Variants in LRFN5 observed in about 807,000 individuals in gnomAD.
LRFN5 encodes the protein leucine rich repeat and fibronectin type III domain containing 5, also known as leucine-rich repeat and fibronectin type-III domain-containing protein 5.
LRFN5 carries 24 observed loss-of-function variants against 45.6 expected under a neutral mutation model. The ratio of observed to expected loss-of-function variants is 0.53; its 90% CI spans 0.38 to 0.74. LRFN5 has a LOEUF of 0.74. Ranked by LOEUF, LRFN5 falls within the 30% of genes least tolerant of loss-of-function variation. The pLI, the probability that LRFN5 is intolerant of heterozygous loss-of-function variation, is 0.00. For synonymous variants in LRFN5, 340 were observed against 313.8 expected (o/e 1.08, Z -0.88); for missense variants, 776 against 861.5 (o/e 0.90, Z 1.24).
At chr14:41,619,769 T>C (rs190910632) in intron 1 of LRFN5, among the ~76,000 whole-genome samples, 3 of 152,142 alleles carry the variant, frequency 2.0e-5, no homozygotes, top group African/African-American at 2.4e-5. Flanking sequence ...GTGTATTATA[T>C]ACAGTACATA....
chr14:41,614,979 G>A lies in LRFN5; in HGVS notation c.-197+6417G>A, dbSNP rs565353606. 6.6e-5 allele frequency among the ~76,000 whole-genome samples: 10 copies of A among 152,160 alleles called. No individual in the cohort carries two copies. In the East Asian group the frequency reaches 1.7e-3, roughly 27 times the overall value. On this transcript the variant is annotated intron_variant, in intron 1 of 5. Transcript: ENST00000298119. ...TGTCTTCAGGAACCAGGCAGAAGAT[G>A]TAAAGCAGAGAATCTAGCTGAGTTT...
intron 1 of LRFN5, among the ~76,000 whole-genome samples, chr14:41,714,073 A>G (rs892082982): frequency 2.6e-5 from 4 of 152,030 alleles, no homozygotes; most frequent in African/African-American, 9.7e-5. Flanking sequence ...ACTAAATTAT[A>G]TAAGAGAAAT....
At chr14:41,823,588 T>A (rs1033983748) in intron 2 of LRFN5, among the ~76,000 whole-genome samples, 1 of 152,136 alleles carries the variant, frequency 6.6e-6, no homozygotes, top group Non-Finnish European at 1.5e-5. Flanking sequence ...TTCTTTCACA[T>A]TCAGTTTAGA....
rs934257567 is a variant in LRFN5 at position 41,873,282 on chromosome 14, C to T, written c.-20-13324C>T. Reference sequence around the variant, plus strand: ...TCACAGAAACACAATTAATGCAGAGCTTTTTTAAATTTTTCTTTAGGGGTA... The same window carrying T: ...TCACAGAAACACAATTAATGCAGAGTTTTTTTAAATTTTTCTTTAGGGGTA... On this transcript the variant is annotated intron_variant, in intron 2 of 5. Coordinates refer to ENST00000298119, the MANE Select transcript of LRFN5 (RefSeq NM_152447.5). 1.8e-4 allele frequency among the ~76,000 whole-genome samples: 27 copies of T among 151,852 alleles called. 1 individual carries two copies. The highest frequency in any genetic ancestry group is 4.9e-4 in the African/African-American group (20 of 41,214).
chr14:41,850,864 A>T, intron 2 of LRFN5, among the ~76,000 whole-genome samples: 1 of 151,908 alleles, frequency 6.6e-6, no homozygotes, highest in Middle Eastern at 3.4e-3. Context: ...TAACTTTGTT[A>T]TCCAAATGTA....
rs948598663 is a variant in LRFN5 at position 41,887,978 on chromosome 14, C to T, written c.1353C>T (p.Tyr451=). 5.0e-6 allele frequency: 8 copies of T among 1,609,276 alleles called. No homozygotes were observed. The African/African-American group carries it at 6.7e-5, about 13-fold the overall frequency. ...IPGIRMFQIQ[Y]NGTYDDTLVY... is the part of the protein sequence containing the mutation. ...GAATACGTATGTTTCAAATCCAGTA[C>T]AATGGTACTTATGATGACACCCTTG... The change falls in exon 3 of 6, where the codon TAC becomes TAT. Residue 451 remains tyrosine, a synonymous_variant. Coordinates refer to ENST00000298119, the MANE Select transcript of LRFN5 (RefSeq NM_152447.5). The surrounding 1 kb of genome is among the most constrained non-coding windows in gnomAD (Gnocchi z 4.8).
intron 1 of LRFN5, among the ~76,000 whole-genome samples, chr14:41,681,243 T>C (rs895285260): frequency 8.5e-5 from 13 of 152,074 alleles, no homozygotes; most frequent in Admixed American, 4.6e-4. Context: ...TAGAGAAATA[T>C]ATCAATATTT....
chr14:41,637,572 T>A (rs1224728403), intron 1 of LRFN5, among the ~76,000 whole-genome samples: 1 of 152,178 alleles, frequency 6.6e-6, no homozygotes, highest in Non-Finnish European at 1.5e-5. Context: ...ATTGGAATGA[T>A]TCTATTCACT....
At chr14:41,628,324 C>T (rs1381234423) in intron 1 of LRFN5, among the ~76,000 whole-genome samples, 1 of 152,146 alleles carries the variant, frequency 6.6e-6, no homozygotes, top group Non-Finnish European at 1.5e-5. Flanking sequence ...TCAGGTTTTG[C>T]ATCTTTAACT....
At chr14:41,862,598 A>G (rs890574164) in intron 2 of LRFN5, among the ~76,000 whole-genome samples, 3 of 152,170 alleles carry the variant, frequency 2.0e-5, no homozygotes, top group African/African-American at 7.2e-5. Flanking sequence ...ATCATAATTT[A>G]TACATGCACA....
At chr14:41,717,064 A>G (rs1351678289) in intron 1 of LRFN5, among the ~76,000 whole-genome samples, 3 of 152,186 alleles carry the variant, frequency 2.0e-5, no homozygotes, top group African/African-American at 4.8e-5. Flanking sequence ...AAAACCACAC[A>G]GGCTCATGAT....
chr14:41,706,928 A>G (rs980504144), intron 1 of LRFN5, among the ~76,000 whole-genome samples: 3 of 152,186 alleles, frequency 2.0e-5, no homozygotes, highest in African/African-American at 4.8e-5. Flanking sequence ...TGTGCTTAGC[A>G]TCTTTTACCT....
chr14:41,792,515 G>T (rs1164575536), intron 2 of LRFN5, among the ~76,000 whole-genome samples: 1 of 151,886 alleles, frequency 6.6e-6, no homozygotes, highest in Non-Finnish European at 1.5e-5. Flanking sequence ...GCCGTTTATA[G>T]ACCACCCCCC....
chr14:41,697,319 C>T (rs1026634330), intron 1 of LRFN5, among the ~76,000 whole-genome samples: 1 of 151,500 alleles, frequency 6.6e-6, no homozygotes, highest in Non-Finnish European at 1.5e-5. Flanking sequence ...TCTTTTGTTT[C>T]AAAAATAATA....
At position 41,610,661 on chromosome 14, in the gene LRFN5, T is replaced by TAAAAAAAAAAAAAAAAAAAAAAAAAA. The variant is rs199770856; in HGVS notation, c.-197+2121_-197+2122insAAAAAAAAAAAAAAAAAAAAAAAAAA. Among the ~76,000 whole-genome samples, 81 of 37,328 alleles carry TAAAAAAAAAAAAAAAAAAAAAAAAAA rather than the reference T, an allele frequency of 2.2e-3. 23 individuals carry two copies. The highest frequency in any genetic ancestry group is 4.2e-3 in the Non-Finnish European group (62 of 14,714). The allele number at this position is 37,328 out of a possible 152,430, so 24.5% of individuals were successfully genotyped here. On this transcript the variant is annotated intron_variant, in intron 1 of 5. Transcript: ENST00000298119. ...TACCCCTCTGAGGTCCCAGGGAAGG[T>TAAAAAAAAAAAAAAAAAAAAAAAAAA]AAAAAAAAAAAAAAAAAAAAAAGTG...
At chr14:41,893,228 A>G (rs935031013) in intron 4 of LRFN5, 2 of 965,214 alleles carry the variant, frequency 2.1e-6, no homozygotes, top group Admixed American at 6.2e-5. Flanking sequence ...TAAATTTAGT[A>G]GAAACTAATG....
chr14:41,700,105 T>C (rs995929080), intron 1 of LRFN5: 3 of 152,086 alleles, frequency 2.0e-5, no homozygotes, highest in Non-Finnish European at 4.4e-5. Context: ...AGGTACATGT[T>C]ATTGTGCTGC....
At chr14:41,838,624 A>C (rs990360114) in intron 2 of LRFN5, among the ~76,000 whole-genome samples, 1 of 152,166 alleles carries the variant, frequency 6.6e-6, no homozygotes, top group African/African-American at 2.4e-5. Context: ...ATGGGGGTGC[A>C]GGGAGTAAAG....
chr14:41,683,290 AAAC>A (rs1881984414), intron 1 of LRFN5, among the ~76,000 whole-genome samples: 1 of 152,190 alleles, frequency 6.6e-6, no homozygotes, highest in Admixed American at 6.5e-5. Context: ...AAAATATCTC[AAAC>A]AACTGAGTAT....
Sources: allele counts gnomAD v4.1 joint callset (sites outside exome capture counted in the v4.1 genomes callset), GRCh38; gene constraint gnomAD v4.1.1; non-coding constraint Gnocchi (gnomAD v3.1); transcripts MANE v1.5; gene names NCBI Gene and HGNC (gene_info 2026-07-23, HGNC 2026-07-21).